The following RGS8 variants were observed in gnomAD, a reference collection of about 807,000 sequenced individuals.
RGS8 encodes the protein regulator of G protein signaling 8, also known as regulator of G-protein signaling 8.
Under a neutral mutation model 21.7 loss-of-function variants are expected in RGS8, and 8 were observed. The ratio of observed to expected loss-of-function variants is 0.37; its 90% CI spans 0.22 to 0.66. RGS8 has a LOEUF of 0.66. Ranked by LOEUF, RGS8 falls within the 30% of genes least tolerant of loss-of-function variation. The pLI is 0.59. For missense variants in RGS8, 157 were observed against 217.9 expected, an observed-to-expected ratio of 0.72 and a Z score of 1.76; for synonymous variants, 80 against 83.6, an observed-to-expected ratio of 0.96 and a Z score of 0.24.
At chr1:182,674,095 G>C (rs1413199266), upstream of RGS8, among the ~76,000 whole-genome samples, 1 of 152,160 alleles carries the variant, frequency 6.6e-6, no homozygotes, top group Non-Finnish European at 1.5e-5. Context: ...TCTACTCCTT[G>C]CTTTAACACA....
chr1:182,741,930 T>A, the RGS8 span, among the ~76,000 whole-genome samples: 2 of 142,178 alleles, frequency 1.4e-5, no homozygotes, highest in Non-Finnish European at 3.1e-5. Context: ...GCGGAGACGC[T>A]CCTCACTTCC....
At chr1:182,748,469 T>C in the RGS8 span, among the ~76,000 whole-genome samples, 1 of 152,262 alleles carries the variant, frequency 6.6e-6, no homozygotes, top group South Asian at 2.1e-4. Context: ...AATATCCCAT[T>C]GTGTATATAC....
At chr1:182,675,734 C>T (rs1408796342), upstream of RGS8, among the ~76,000 whole-genome samples, 1 of 152,068 alleles carries the variant, frequency 6.6e-6, no homozygotes, top group East Asian at 1.9e-4. Context: ...TTTCAGAATT[C>T]TCCCAATCAG....
chr1:182,677,850 G>T (rs767554327), upstream of RGS8, among the ~76,000 whole-genome samples: 4 of 152,130 alleles, frequency 2.6e-5, no homozygotes, highest in Non-Finnish European at 5.9e-5. Flanking sequence ...AAATGAAATG[G>T]TATAGCAACA....
chr1:182,657,611 G>A (rs1486950403), intron 5 of RGS8, among the ~76,000 whole-genome samples: 1 of 152,138 alleles, frequency 6.6e-6, no homozygotes, highest in Non-Finnish European at 1.5e-5. Flanking sequence ...CCCTGAAGCT[G>A]TTCCACCTGG....
the RGS8 span, among the ~76,000 whole-genome samples, chr1:182,721,398 T>A: frequency 6.6e-6 from 1 of 152,158 alleles, no homozygotes; most frequent in Non-Finnish European, 1.5e-5. Context: ...TAGAAATTAA[T>A]CTCACTCTCT....
chr1:182,741,853 G>A, the RGS8 span, among the ~76,000 whole-genome samples: 31 of 130,316 alleles, frequency 2.4e-4, no homozygotes, highest in African/African-American at 2.9e-4. Context: ...CTCACCTCCC[G>A]GACGGGGCGG....
the RGS8 span, among the ~76,000 whole-genome samples, chr1:182,747,695 A>G: frequency 6.6e-6 from 1 of 152,180 alleles, no homozygotes; most frequent in Non-Finnish European, 1.5e-5. Context: ...ACCATGCAGA[A>G]AAGAAAGCAA....
chr1:182,666,298 A>C (rs1013613274), intron 4 of RGS8, among the ~76,000 whole-genome samples: 3 of 152,222 alleles, frequency 2.0e-5, no homozygotes, highest in Non-Finnish European at 2.9e-5. Context: ...AAGTAAGTAC[A>C]TGATTTAAAG....
At chr1:182,731,228 A>C in the RGS8 span, among the ~76,000 whole-genome samples, 95 of 152,356 alleles carry the variant, frequency 6.2e-4, 1 homozygote, top group South Asian at 0.013. Flanking sequence ...ATGTAGCCCA[A>C]TAATCCTGCA....
chr1:182,718,539 TGG>T, the RGS8 span, among the ~76,000 whole-genome samples: 1 of 152,102 alleles, frequency 6.6e-6, no homozygotes, highest in African/African-American at 2.4e-5. Context: ...TCTGGCATGG[TGG>T]GAGCCATGAT....
chr1:182,749,311 G>A, the RGS8 span, among the ~76,000 whole-genome samples: 1 of 152,096 alleles, frequency 6.6e-6, no homozygotes, highest in Non-Finnish European at 1.5e-5. Context: ...TCTCCATGTG[G>A]ATATCCAGTC....
the RGS8 span, among the ~76,000 whole-genome samples, chr1:182,709,005 G>T: frequency 1.3e-5 from 2 of 152,166 alleles, no homozygotes; most frequent in African/African-American, 4.8e-5. Context: ...TGACGAAAGC[G>T]CCTTTTCCCA....
chr1:182,653,097 C>G (rs1382756070), intron 5 of RGS8, among the ~76,000 whole-genome samples: 1 of 152,094 alleles, frequency 6.6e-6, no homozygotes, highest in African/African-American at 2.4e-5. Flanking sequence ...CTACAAAAGA[C>G]CAGGAAGAGA....
chr1:182,730,311 A>G, the RGS8 span, among the ~76,000 whole-genome samples: 1 of 152,270 alleles, frequency 6.6e-6, no homozygotes, highest in South Asian at 2.1e-4. Context: ...GAGTAAAACA[A>G]CACTTTAGCC....
intron 5 of RGS8, 123 bp from the exon 7 acceptor site, chr1:182,648,426 C>T (rs539941550): frequency 1.7e-4 from 169 of 987,622 alleles, no homozygotes; most frequent in Non-Finnish European, 2.4e-4. Flanking sequence ...ACTGCTCCTC[C>T]ACACCCTCTT....
At chr1:182,743,347 GA>G in the RGS8 span, among the ~76,000 whole-genome samples, 1 of 152,084 alleles carries the variant, frequency 6.6e-6, no homozygotes, top group Non-Finnish European at 1.5e-5. Flanking sequence ...TTGACTCATG[GA>G]GCACCGAGAA....
At chr1:182,743,805 CACAT>C in the RGS8 span, among the ~76,000 whole-genome samples, 1 of 152,218 alleles carries the variant, frequency 6.6e-6, no homozygotes, top group African/African-American at 2.4e-5. Context: ...ACAATGCACA[CACAT>C]ACACATGCAT....
intron 5 of RGS8, among the ~76,000 whole-genome samples, chr1:182,660,897 T>C (rs995483529): frequency 2.0e-5 from 3 of 151,830 alleles, no homozygotes; most frequent in Non-Finnish European, 4.4e-5. Flanking sequence ...CCAGTAGATA[T>C]TGGTGCTGCC....
Sources: gnomAD v4.1 joint callset for allele counts (sites outside exome capture counted in the v4.1 genomes callset) on GRCh38, gnomAD v4.1.1 for gene constraint, MANE v1.5 for transcripts, NCBI Gene and HGNC (gene_info 2026-07-23, HGNC 2026-07-21) for gene names.